ANAPC10: variants seen among roughly 807,000 people sequenced by gnomAD.
ANAPC10 encodes anaphase promoting complex subunit 10.
A neutral mutation model predicts 22.0 loss-of-function variants in ANAPC10; 12 were observed. The ratio of observed to expected loss-of-function variants is 0.55; its 90% confidence interval spans 0.35 to 0.88. The LOEUF is 0.88. ANAPC10 is among the 40% of genes least tolerant of loss of function. The probability of loss-of-function intolerance (pLI) is 0.01; values close to 1 mark genes in which losing one functional copy is unlikely to be tolerated. For synonymous variants in ANAPC10, 65 were observed against 69.5 expected (o/e 0.94, Z 0.32); for missense variants, 188 against 220.9 (o/e 0.85, Z 0.94).
At chr4:145,015,889 CA>C (rs1578914946) in intron 4 of ANAPC10, among the ~76,000 whole-genome samples, 2 of 152,184 alleles carry the variant, frequency 1.3e-5, no homozygotes, top group East Asian at 3.9e-4. Context: ...CAAGTGCTGA[CA>C]AAATTCACCA....
chr4:145,003,046 T>G (rs988260302), intron 4 of ANAPC10, among the ~76,000 whole-genome samples: 3 of 152,132 alleles, frequency 2.0e-5, no homozygotes, highest in African/African-American at 7.2e-5. Context: ...TCCCAGCCAC[T>G]ATTGTTCCCT....
chr4:145,013,523 T>C (rs1734667032), intron 4 of ANAPC10, among the ~76,000 whole-genome samples: 1 of 152,132 alleles, frequency 6.6e-6, no homozygotes, highest in African/African-American at 2.4e-5. Flanking sequence ...CAGAATGCAA[T>C]CATTAATAAA....
intron 2 of ANAPC10, among the ~76,000 whole-genome samples, chr4:145,088,532 C>A (rs1747218349): frequency 6.6e-6 from 1 of 152,224 alleles, no homozygotes; most frequent in Non-Finnish European, 1.5e-5. Context: ...AAAGGTCACT[C>A]TGAAGGTTTC....
At chr4:145,064,521 A>T (rs781441929) in intron 4 of ANAPC10, 51 bp downstream of exon 4, 5 of 1,470,010 alleles carry the variant, frequency 3.4e-6, no homozygotes, top group Non-Finnish European at 4.7e-6. Context: ...ACTATCTTCT[A>T]ATGAGTAAAA....
intron 3 of ANAPC10, among the ~76,000 whole-genome samples, chr4:145,068,881 G>T (rs1744086100): frequency 6.6e-6 from 1 of 152,236 alleles, no homozygotes; most frequent in Non-Finnish European, 1.5e-5. Flanking sequence ...CTGTACTCCA[G>T]CCTGGTGACA....
At chr4:145,004,276 T>C (rs1247645073) in intron 4 of ANAPC10, among the ~76,000 whole-genome samples, 1 of 152,102 alleles carries the variant, frequency 6.6e-6, no homozygotes, top group Non-Finnish European at 1.5e-5. Context: ...TCTAGCATCA[T>C]ATCATCTGCA....
chr4:145,002,802 A>G (rs567089922), intron 4 of ANAPC10, among the ~76,000 whole-genome samples: 6 of 152,300 alleles, frequency 3.9e-5, no homozygotes, highest in African/African-American at 1.4e-4. Flanking sequence ...CATAGTAAAA[A>G]TTTTTTAAAC....
In ANAPC10 at chr4:145,081,716, T is replaced by C. The variant is rs539657406; in HGVS notation, c.150A>G (p.Leu50=). The C allele has an allele frequency of 1.5e-5, 25 of 1,613,004 alleles. No individual in the cohort carries two copies. The East Asian group carries it at 2.5e-4, about 16-fold the overall frequency. The change falls in exon 3 of 5, where the codon CTA becomes CTG. Residue 50 remains leucine, a synonymous_variant. Coordinates refer to ENST00000507656, the MANE Select transcript of ANAPC10 (RefSeq NM_001256706.2). ...AACCATCTGATTGCCAATAAGTTTC[T>C]AGATTGTCATCTCGTAACTGATCCA... ...FGVDQLRDDN[L]ETYWQSDGSQ... is the part of the protein sequence containing the mutation.
At chr4:145,016,183 C>G (rs1735100185) in intron 4 of ANAPC10, among the ~76,000 whole-genome samples, 1 of 152,122 alleles carries the variant, frequency 6.6e-6, no homozygotes, top group Non-Finnish European at 1.5e-5. Flanking sequence ...TCAAATTGTC[C>G]CTGTTTGCAG....
chr4:144,995,457 T>C lies in ANAPC10; in HGVS notation c.474A>G (p.Ile158Met), dbSNP rs762368861. 1.9e-6 allele frequency: 3 copies of C among 1,613,804 alleles called. 1 individual carries two copies. The South Asian group carries it at 3.3e-5, about 18-fold the overall frequency. Residue 158 changes from isoleucine (I) to methionine (M), a missense_variant, in exon 5 of 5, where the codon ATA becomes ATG. Coordinates refer to ENST00000507656, the MANE Select transcript of ANAPC10 (RefSeq NM_001256706.2). ...TGGAGCTCTCTTCTACTGGTGTGTA[T>C]ATTTTAATTTGTCTCATATGGGTGT... ...GRDTHMRQIK[I>M]YTPVEESSIG...
chr4:145,002,005 T>A (rs918672247), intron 4 of ANAPC10, among the ~76,000 whole-genome samples: 10 of 152,052 alleles, frequency 6.6e-5, no homozygotes, highest in Non-Finnish European at 1.0e-4. Context: ...CCATGGAAAA[T>A]AAAAGAAGGA....
intron 3 of ANAPC10, among the ~76,000 whole-genome samples, chr4:145,076,333 T>C (rs559719927): frequency 1.6e-4 from 24 of 152,200 alleles, no homozygotes; most frequent in Non-Finnish European, 3.2e-4. Flanking sequence ...AGCACTGAGC[T>C]GAGCCTTGGT....
intron 4 of ANAPC10, among the ~76,000 whole-genome samples, chr4:145,035,743 C>T (rs879658550): frequency 6.6e-6 from 1 of 152,200 alleles, no homozygotes; most frequent in Admixed American, 6.5e-5. Flanking sequence ...ACTTCCTGCC[C>T]TATGGACTTC....
At chr4:145,020,237 C>T (rs559168180) in intron 4 of ANAPC10, among the ~76,000 whole-genome samples, 4 of 152,062 alleles carry the variant, frequency 2.6e-5, no homozygotes, top group Non-Finnish European at 5.9e-5. Context: ...TAAACTACCA[C>T]GAGCAAGTGG....
chr4:145,071,065 G>A (rs1199816294), intron 3 of ANAPC10, among the ~76,000 whole-genome samples: 1 of 152,216 alleles, frequency 6.6e-6, no homozygotes. Flanking sequence ...GGAGGTGGTA[G>A]TGGTTGCACA....
intron 4 of ANAPC10, among the ~76,000 whole-genome samples, chr4:145,055,235 T>A (rs2126374088): frequency 6.6e-6 from 1 of 152,046 alleles, no homozygotes; most frequent in South Asian, 2.1e-4. Flanking sequence ...AATACATACC[T>A]TTTGCACCTG....
intron 4 of ANAPC10, among the ~76,000 whole-genome samples, chr4:145,053,496 G>A (rs954840598): frequency 6.6e-6 from 1 of 152,128 alleles, no homozygotes; most frequent in Non-Finnish European, 1.5e-5. Context: ...TTATTAATTA[G>A]CTATCTAATT....
At chr4:145,035,627 G>T (rs1345645693) in intron 4 of ANAPC10, among the ~76,000 whole-genome samples, 1 of 152,178 alleles carries the variant, frequency 6.6e-6, no homozygotes, top group Admixed American at 6.5e-5. Context: ...AAGATTGGAG[G>T]CAGTGAACAT....
At position 145,038,167 on chromosome 4, in the gene ANAPC10, C is replaced by T. The variant is rs142854350; in HGVS notation, c.327+26405G>A. Among the ~76,000 whole-genome samples the T allele has an allele frequency of 4.3e-3, 656 of 151,974 alleles. 5 individuals carry two copies. Among genetic ancestry groups the T allele is most frequent in the Admixed American group, 7.5e-3 (114 of 15,248 alleles). ...CTGGCAACATAGTGAGACCCTATCT[C>T]TACAAAATAAAAATAAATAATAGAT... On this transcript the variant is annotated intron_variant, in intron 4 of 4. Coordinates refer to ENST00000507656, the MANE Select transcript of ANAPC10 (RefSeq NM_001256706.2).
Sources: gnomAD v4.1 joint callset for allele counts (sites outside exome capture counted in the v4.1 genomes callset) on GRCh38, gnomAD v4.1.1 for gene constraint, MANE v1.5 for transcripts, NCBI Gene and HGNC (gene_info 2026-07-23, HGNC 2026-07-21) for gene names.